The following AIRE variants were observed in gnomAD, a reference collection of about 807,000 sequenced individuals.
AIRE encodes autoimmune polyendocrinopathy candidiasis ectodermal dystrophy protein.
In AIRE, 52 loss-of-function variants were observed where a neutral mutation model predicts 62.1. The observed-to-expected ratio is 0.84, with a 90% CI of 0.67 to 1.06. AIRE has a LOEUF of 1.06. Ranked by LOEUF, AIRE falls within the 50% of genes least tolerant of loss-of-function variation. The pLI is 0.00. For synonymous variants in AIRE, 342 were observed against 321.6 expected, an observed-to-expected ratio of 1.06 and a Z score of -0.68; for missense variants, 774 against 755.8, an observed-to-expected ratio of 1.02 and a Z score of -0.28.
At chr21:44,291,547 C>A (rs1278591349) in intron 8 of AIRE, among the ~76,000 whole-genome samples, 1 of 152,172 alleles carries the variant, frequency 6.6e-6, no homozygotes, top group African/African-American at 2.4e-5. Context: ...CAAGCCCCAC[C>A]CCAGAGTCCC....
Position 44,298,114 on chromosome 21 carries a change from A to G in AIRE, c.*387A>G. 3.6e-6 allele frequency: 1 copy of G among 276,796 alleles called. No individual in the cohort carries two copies. Among genetic ancestry groups the G allele is most frequent in the South Asian group, 3.9e-5 (1 of 25,420 alleles). The allele number at this position is 276,796 out of a possible 1,614,324, so 17.1% of individuals were successfully genotyped here. On this transcript the variant is annotated 3_prime_UTR_variant, in exon 14 of 14. Transcript: ENST00000291582. ...GCCACTGCACTCCAGTCTGGTCGGC[A>G]AGAGTGAGACTCCGTCTCAAAAACA... is the stretch of plus-strand genomic sequence containing the variant.
At chr21:44,290,813 T>C (rs1401608286) in intron 7 of AIRE, 2 of 1,538,112 alleles carry the variant, frequency 1.3e-6, no homozygotes, top group Non-Finnish European at 1.8e-6. Flanking sequence ...GTTCATGTGG[T>C]TGGTGTACAG....
rs761025044 is a variant in AIRE, at chr21:44,286,079, G to A, written c.73G>A (p.Ala25Thr). 1.3e-6 allele frequency: 2 copies of A among 1,544,952 alleles called. No individual in the cohort carries two copies. Among genetic ancestry groups the A allele is most frequent in the African/African-American group, 2.7e-5 (2 of 73,106 alleles). ...GGAGATCGCGGTGGCCGTGGACAGCGCCTTCCCACTGCTGCACGCGCTGGC... is the reference window on the plus strand; with the variant it reads ...GGAGATCGCGGTGGCCGTGGACAGCACCTTCCCACTGCTGCACGCGCTGGC... ...RTEIAVAVDSAFPLLHALADH... is the reference protein window; with the variant it reads ...RTEIAVAVDSTFPLLHALADH... Residue 25 changes from alanine (A) to threonine (T), a missense_variant, in exon 1 of 14, where the codon GCC (alanine) becomes ACC (threonine). Transcript: ENST00000291582. This position sits in a 1 kb window ranked among gnomAD's most constrained non-coding sequence, Gnocchi z 6.0.
At chr21:44,291,030 AG>A in intron 7 of AIRE, 64 bp from the exon 8 acceptor site, 1 of 1,613,410 alleles carries the variant, frequency 6.2e-7, no homozygotes, top group South Asian at 1.1e-5. Flanking sequence ...TTTGGGAAGG[AG>A]GTGGCTCTCA....
At chr21:44,291,267 C>T in intron 8 of AIRE, 57 bp downstream of exon 8, 1 of 1,584,624 alleles carries the variant, frequency 6.3e-7, no homozygotes, top group Non-Finnish European at 8.5e-7. Flanking sequence ...GCCGCCTCCA[C>T]CCACTGACCC....
rs950217439 is a variant in AIRE at position 44,286,215 on chromosome 21, C to T, written c.132+77C>T. Reference sequence around the variant, plus strand: ...AGTCCCCGGGGAAGTTCCAGGAGGACCCCGCCCCTCCAGATCCCCAAGCCC... The same window carrying T: ...AGTCCCCGGGGAAGTTCCAGGAGGATCCCGCCCCTCCAGATCCCCAAGCCC... On this transcript the variant is annotated intron_variant, in intron 1 of 13. Coordinates refer to ENST00000291582, the MANE Select transcript of AIRE (RefSeq NM_000383.4). This position sits in a 1 kb window ranked among gnomAD's most constrained non-coding sequence, Gnocchi z 6.0. 28 of 1,436,450 alleles carry T rather than the reference C, an allele frequency of 1.9e-5. No homozygotes were observed. In the African/African-American group the frequency reaches 3.5e-4, roughly 18 times the overall value. 89.0% of individuals were successfully genotyped at this position (1,436,450 alleles called of 1,614,324 possible). A position where few individuals can be genotyped will look rare whatever the true frequency, so the allele number is the denominator to read the frequency against.
Position 44,293,136 on chromosome 21 carries a change from C to A in AIRE, c.1239C>A (p.Ala413=). The A allele has an allele frequency of 6.3e-7, 1 of 1,586,950 alleles. No individual in the cohort carries two copies. The highest frequency in any genetic ancestry group is 2.3e-5 in the East Asian group (1 of 43,766). The change falls in exon 10 of 14, where the codon GCC becomes GCA. Residue 413 remains alanine (A), a synonymous_variant. Transcript: ENST00000291582. ...CGCTGCCAGGGCTGGACTCCTCGGC[C>A]CTGCACCCCCTACTGTGTGTGGGTC... is the stretch of plus-strand genomic sequence containing the variant. ...AAPLPGLDSS[A]LHPLLCVGPE... is the part of the protein sequence containing the mutation.
chr21:44,289,514 C>CATTGAAAAA, intron 5 of AIRE, 143 bp from the exon 6 acceptor site: 1 of 1,115,930 alleles, frequency 9.0e-7, no homozygotes, highest in South Asian at 1.8e-5. Flanking sequence ...GCCCCAGACT[C>CATTGAAAAA]GACTGGGGTG....
chr21:44,297,605 G>T lies in AIRE; in HGVS notation c.1567-51G>T. Reference sequence around the variant, plus strand: ...CTTGTAACGATGGCCATGATTCTGTGGCTGCGGCGGGGGCGCACCTGGAGG... The same window carrying T: ...CTTGTAACGATGGCCATGATTCTGTTGCTGCGGCGGGGGCGCACCTGGAGG... On this transcript the variant is annotated intron_variant, in intron 13 of 13. Transcript: ENST00000291582. This position sits in a 1 kb window ranked among gnomAD's most constrained non-coding sequence, Gnocchi z 4.8. The T allele has an allele frequency of 6.8e-7, 1 of 1,479,622 alleles. No individual in the cohort carries two copies. 91.7% of individuals were successfully genotyped at this position (1,479,622 alleles called of 1,614,324 possible). A position where few individuals can be genotyped will look rare whatever the true frequency, so the allele number is the denominator to read the frequency against.
rs1290846366 is a variant in AIRE, at chr21:44,286,139, G to C, written c.132+1G>C. On this transcript the variant is annotated splice_donor_variant, in intron 1 of 13. Coordinates refer to ENST00000291582, the MANE Select transcript of AIRE (RefSeq NM_000383.4). LOFTEE classifies it high-confidence loss of function. The surrounding 1 kb of genome is among the most constrained non-coding windows in gnomAD (Gnocchi z 6.0). ...CGTGGTCCCCGAGGACAAGTTTCAGGTGGGCTCCCCGCCCGCCCCCCGCTG... is the reference window on the plus strand; with the variant it reads ...CGTGGTCCCCGAGGACAAGTTTCAGCTGGGCTCCCCGCCCGCCCCCCGCTG... 2 of 1,546,844 alleles carry C rather than the reference G, an allele frequency of 1.3e-6. No homozygotes were observed. Among genetic ancestry groups the C allele is most frequent in the Non-Finnish European group, 1.7e-6 (2 of 1,146,472 alleles).
Position 44,285,977 on chromosome 21 carries a change from GC to G in AIRE, c.-26del. Reference sequence around the variant, plus strand: ...CAGTGTCCCGGGACCCACCGCGTCCGCCCCAGCCCCGGGTCCCCGCGCCCAC... The same window carrying G: ...CAGTGTCCCGGGACCCACCGCGTCCGCCCAGCCCCGGGTCCCCGCGCCCAC... On this transcript the variant is annotated 5_prime_UTR_variant, in exon 1 of 14. Transcript: ENST00000291582. 6.6e-7 allele frequency: 1 copy of G among 1,520,848 alleles called. No homozygotes were observed. The highest frequency in any genetic ancestry group is 1.2e-5 in the South Asian group (1 of 83,160). 94.2% of individuals were successfully genotyped at this position (1,520,848 alleles called of 1,614,324 possible).
rs1167195601 is a variant in AIRE, at chr21:44,286,301, G to A, written c.132+163G>A. 6.6e-6 allele frequency among the ~76,000 whole-genome samples: 1 copy of A among 151,062 alleles called. No individual in the cohort carries two copies. The highest frequency in any genetic ancestry group is 6.6e-5 in the Admixed American group (1 of 15,176). On this transcript the variant is annotated intron_variant, in intron 1 of 13. Coordinates refer to ENST00000291582, the MANE Select transcript of AIRE (RefSeq NM_000383.4). The surrounding 1 kb of genome is among the most constrained non-coding windows in gnomAD (Gnocchi z 6.0). ...CAGGGGCGTCCCTGATGACAAGTTA[G>A]AAGTTGGTCCCCTTCCCCCAGCCGT...
At chr21:44,289,908 C>G in intron 6 of AIRE, 80 bp from the exon 7 acceptor site, 3 of 1,600,986 alleles carry the variant, frequency 1.9e-6, no homozygotes, top group Non-Finnish European at 8.5e-7. Context: ...GGGCTGCTGC[C>G]GAGAGACGCC....
Position 44,297,665 on chromosome 21 carries a change from G to T in AIRE, c.1576G>T (p.Asp526Tyr). The T allele has an allele frequency of 6.2e-7, 1 of 1,612,128 alleles. No individual in the cohort carries two copies. The change falls in exon 14 of 14, where the codon GAT becomes TAT. Residue 526 changes from aspartate (D) to tyrosine (Y), a missense_variant. Asp to Tyr is a radical substitution (Grantham distance 160). Transcript: ENST00000291582. The surrounding 1 kb of genome is among the most constrained non-coding windows in gnomAD (Gnocchi z 4.8). ...TCACTCTGTCCCGCAGCACACCTTC[G>T]ATGGCATCCTGCAGTGGGCCATCCA... ...LESLLSEHTF[D>Y]GILQWAIQSM...
intron 8 of AIRE, 30 bp from the exon 9 acceptor site, chr21:44,292,272 C>T (rs1460229667): frequency 1.3e-6 from 2 of 1,533,786 alleles, no homozygotes; most frequent in South Asian, 2.4e-5. Flanking sequence ...TCTTGTTCTG[C>T]ATGTCTCTGA....
chr21:44,294,554 C>A (rs1484535780), intron 12 of AIRE, 51 bp downstream of exon 12: 1 of 1,121,122 alleles, frequency 8.9e-7, no homozygotes, highest in Admixed American at 3.0e-5. Flanking sequence ...GGTGGGGAAC[C>A]CCTTGGGTTG....
At position 44,287,143 on chromosome 21, in the gene AIRE, C is replaced by T; in HGVS notation, c.463+10C>T. On this transcript the variant is annotated intron_variant, in intron 3 of 13. Transcript: ENST00000291582. This position sits in a 1 kb window ranked among gnomAD's most constrained non-coding sequence, Gnocchi z 4.3. The stretch of plus-strand genomic sequence containing the variant: ...GGCACCGCCAGCCCAGGTACCCTCC[C>T]TGCAGGGGAAGCCAGCCAGGGTCTC... The T allele has an allele frequency of 3.1e-6, 5 of 1,611,840 alleles. No individual in the cohort carries two copies. Among genetic ancestry groups the T allele is most frequent in the Non-Finnish European group, 4.2e-6 (5 of 1,179,858 alleles).
chr21:44,286,435 G>A lies in AIRE; in HGVS notation c.133-122G>A, dbSNP rs551476554. 2.6e-5 allele frequency: 29 copies of A among 1,128,386 alleles called. No individual in the cohort carries two copies. Among genetic ancestry groups the A allele is most frequent in the African/African-American group, 4.7e-5 (3 of 64,118 alleles). The allele number at this position is 1,128,386 out of a possible 1,614,324, so 69.9% of individuals were successfully genotyped here. A position where few individuals can be genotyped will look rare whatever the true frequency, so the allele number is the denominator to read the frequency against. ...TCCACCACAAGCCGAGGAGATGGGC[G>A]TGGAGCTGTCCAGGTCGCCAGCGCC... On this transcript the variant is annotated intron_variant, in intron 1 of 13. Coordinates refer to ENST00000291582, the MANE Select transcript of AIRE (RefSeq NM_000383.4). The surrounding 1 kb of genome is among the most constrained non-coding windows in gnomAD (Gnocchi z 6.0).
chr21:44,287,409 C>G lies in AIRE; in HGVS notation c.464-108C>G. On this transcript the variant is annotated intron_variant, in intron 3 of 13. Coordinates refer to ENST00000291582, the MANE Select transcript of AIRE (RefSeq NM_000383.4). This position sits in a 1 kb window ranked among gnomAD's most constrained non-coding sequence, Gnocchi z 4.3. Reference sequence around the variant, plus strand: ...AAACCAGAGCCCGGCAAAGGGACTACCCAGCACTGGACCGCCCCCTCCACG... The same window carrying G: ...AAACCAGAGCCCGGCAAAGGGACTAGCCAGCACTGGACCGCCCCCTCCACG... 1 of 806,950 alleles carries G rather than the reference C, an allele frequency of 1.2e-6. No individual in the cohort carries two copies. The highest frequency in any genetic ancestry group is 1.7e-5 in the African/African-American group (1 of 58,484). The allele number at this position is 806,950 out of a possible 1,614,324, so 50.0% of individuals were successfully genotyped here.
Sources: gnomAD v4.1 joint callset for allele counts (sites outside exome capture counted in the v4.1 genomes callset) on GRCh38, gnomAD v4.1.1 for gene constraint, Gnocchi (gnomAD v3.1) non-coding constraint, MANE v1.5 for transcripts, NCBI Gene and HGNC (gene_info 2026-07-23, HGNC 2026-07-21) for gene names.